Variants in TTC21B observed in about 807,000 individuals in gnomAD.
TTC21B encodes tetratricopeptide repeat domain 21B.
Under a neutral mutation model 175.1 loss-of-function variants are expected in TTC21B, and 127 were observed. That is an observed-to-expected ratio of 0.73 (90% confidence interval 0.63 to 0.84). The LOEUF is 0.84. Ranked by LOEUF, TTC21B falls within the 40% of genes least tolerant of loss-of-function variation. TTC21B has a pLI of 0.00. For missense variants in TTC21B, 1,561 were observed against 1,558.3 expected, an observed-to-expected ratio of 1.00 and a Z score of -0.03; for synonymous variants, 524 against 524.5, an observed-to-expected ratio of 1.00 and a Z score of 0.01.
At chr2:165,900,086 A>G (rs1468001110) in intron 20 of TTC21B, among the ~76,000 whole-genome samples, 1 of 151,186 alleles carries the variant, frequency 6.6e-6, no homozygotes, top group African/African-American at 2.4e-5. Flanking sequence ...ACAGAGAAAC[A>G]GGTAGTAACT....
intron 19 of TTC21B, among the ~76,000 whole-genome samples, chr2:165,904,459 G>A (rs189565863): frequency 3.9e-5 from 6 of 152,132 alleles, no homozygotes; most frequent in African/African-American, 1.4e-4. Flanking sequence ...GCACACACAC[G>A]TGCACACACA....
Position 165,899,814 on chromosome 2 carries a change from C to G in TTC21B, c.2824G>C (p.Ala942Pro), listed in dbSNP as rs749920942. The G allele has an allele frequency of 6.2e-7, 1 of 1,613,984 alleles. No homozygotes were observed. Among genetic ancestry groups the G allele is most frequent in the Non-Finnish European group, 8.5e-7 (1 of 1,179,902 alleles). Reference protein sequence around the residue: ...DDPDSCLRQCALLLQSDQDNE... With the variant: ...DDPDSCLRQCPLLLQSDQDNE... ...TCCTGGTCACTCTGAAGCAGTAGAG[C>G]ACACTGCCGCAGGCAGGAATCAGGG... Residue 942 changes from alanine (A) to proline (P), a missense_variant, in exon 21 of 29, where the codon GCT (alanine) becomes CCT (proline). Coordinates refer to ENST00000243344, the MANE Select transcript of TTC21B (RefSeq NM_024753.5).
chr2:165,873,513 G>A lies in TTC21B; in HGVS notation c.*1242C>T, dbSNP rs1684569860. On this transcript the variant is annotated 3_prime_UTR_variant, in exon 29 of 29. Transcript: ENST00000243344. ...TAGGTTAAATTTAGTGTAAGAGAGTGAAAGCTTCTATGCCAGGGTGCTGTT... is the reference window on the plus strand; with the variant it reads ...TAGGTTAAATTTAGTGTAAGAGAGTAAAAGCTTCTATGCCAGGGTGCTGTT... The A allele has an allele frequency of 6.6e-6, 1 of 152,164 alleles. No individual in the cohort carries two copies. The allele number at this position is 152,164 out of a possible 1,614,324, so 9.4% of individuals were successfully genotyped here.
At chr2:165,942,101 G>C (rs1344360087) in intron 5 of TTC21B, among the ~76,000 whole-genome samples, 1 of 152,130 alleles carries the variant, frequency 6.6e-6, no homozygotes, top group East Asian at 1.9e-4. Context: ...AATTTCTTCA[G>C]CAGTGCTATT....
intron 10 of TTC21B, 97 bp downstream of exon 10, chr2:165,929,553 A>G: frequency 3.2e-6 from 3 of 944,730 alleles, no homozygotes; most frequent in Non-Finnish European, 5.0e-6. Flanking sequence ...AGTGTACACT[A>G]GTGCTTTACA....
At chr2:165,892,413 A>T (rs2105293913) in intron 22 of TTC21B, among the ~76,000 whole-genome samples, 1 of 152,338 alleles carries the variant, frequency 6.6e-6, no homozygotes, top group East Asian at 1.9e-4. Flanking sequence ...GTACACCAAC[A>T]TTCATAGCAG....
intron 12 of TTC21B, among the ~76,000 whole-genome samples, chr2:165,923,046 G>A (rs1686475029): frequency 6.6e-6 from 1 of 152,114 alleles, no homozygotes; most frequent in South Asian, 2.1e-4. Flanking sequence ...TGAGTATAAA[G>A]GCAAACAGAG....
chr2:165,953,517 C>G (rs1426726081), intron 1 of TTC21B, among the ~76,000 whole-genome samples, 168 bp downstream of exon 1: 1 of 152,194 alleles, frequency 6.6e-6, no homozygotes, highest in African/African-American at 2.4e-5. Flanking sequence ...GGAGACCGGC[C>G]GTGAGCAGAG....
At chr2:165,903,739 T>G (rs1156316213) in intron 19 of TTC21B, among the ~76,000 whole-genome samples, 1 of 152,208 alleles carries the variant, frequency 6.6e-6, no homozygotes, top group Admixed American at 6.5e-5. Flanking sequence ...CCAAAAATGT[T>G]TAGCAACTTT....
At chr2:165,885,415 A>C (rs1173936064) in intron 25 of TTC21B, among the ~76,000 whole-genome samples, 1 of 152,152 alleles carries the variant, frequency 6.6e-6, no homozygotes, top group East Asian at 1.9e-4. Context: ...ATCTATCAAT[A>C]AGCTTCCAAG....
At chr2:165,920,814 A>ATATTTTGAAATATTTTAATTATTT (rs1559060477) in intron 12 of TTC21B, among the ~76,000 whole-genome samples, 1 of 151,908 alleles carries the variant, frequency 6.6e-6, no homozygotes, top group South Asian at 2.1e-4. Flanking sequence ...AATATTTAAA[A>ATATTTTGAAATATTTTAATTATTT]ATGAGAAGTG....
chr2:165,898,054 T>C (rs753821053), intron 22 of TTC21B, among the ~76,000 whole-genome samples: 13 of 152,122 alleles, frequency 8.5e-5, no homozygotes, highest in Admixed American at 1.3e-4. Flanking sequence ...GAAAATTTGT[T>C]GTCGAGAAGA....
Position 165,943,310 on chromosome 2 carries a change from G to A in TTC21B, c.461C>T (p.Thr154Ile). The stretch of plus-strand genomic sequence containing the variant: ...TTTAGTGTAAGGCTCTTTTCCTCTT[G>A]TAATATCAAGCCATGCTTTCAAAAC... ...GHVLKAWLDI[T>I]RGKEPYTKKA... Residue 154 changes from threonine to isoleucine, a missense_variant, in exon 5 of 29, where the codon ACA becomes ATA. Transcript: ENST00000243344. 7.5e-6 allele frequency: 12 copies of A among 1,610,202 alleles called. No homozygotes were observed. The highest frequency in any genetic ancestry group is 9.3e-6 in the Non-Finnish European group (11 of 1,176,764).
chr2:165,924,710 A>G, intron 11 of TTC21B, 32 bp from the exon 12 acceptor site: 1 of 1,597,568 alleles, frequency 6.3e-7, no homozygotes, highest in Middle Eastern at 1.7e-4. Context: ...ATCATTTTAT[A>G]AGTGTAAAAA....
chr2:165,914,585 G>A (rs1192169667), intron 15 of TTC21B, among the ~76,000 whole-genome samples: 1 of 149,328 alleles, frequency 6.7e-6, no homozygotes, highest in Non-Finnish European at 1.5e-5. Context: ...AGCTAAAAAC[G>A]TTAATTTTCT....
Position 165,898,747 on chromosome 2 carries a change from G to A in TTC21B, c.2889C>T (p.Phe963=). 6.2e-7 allele frequency: 1 copy of A among 1,612,686 alleles called. No individual in the cohort carries two copies. Among genetic ancestry groups the A allele is most frequent in the Non-Finnish European group, 8.5e-7 (1 of 1,178,778 alleles). The change falls in exon 22 of 29, where the codon TTC becomes TTT. Residue 963 remains phenylalanine (F), a synonymous_variant. Coordinates refer to ENST00000243344, the MANE Select transcript of TTC21B (RefSeq NM_024753.5). ...AATMMMADLM[F]RKQDYEQAVF... is the part of the protein sequence containing the mutation. ...CTGCTTGTTCATAGTCTTGTTTTCT[G>A]AACATGAGATCAGCCATCATCTATA...
chr2:165,929,404 C>T, intron 10 of TTC21B, 69 bp from the exon 11 acceptor site: 1 of 1,285,970 alleles, frequency 7.8e-7, no homozygotes, highest in South Asian at 1.3e-5. Context: ...ACTTAGATTT[C>T]AAATGCATAT....
intron 25 of TTC21B, among the ~76,000 whole-genome samples, chr2:165,885,611 G>A (rs1233430375): frequency 2.0e-5 from 3 of 152,174 alleles, no homozygotes; most frequent in East Asian, 3.9e-4. Flanking sequence ...GTATTTGTCA[G>A]CCAGGTCCTA....
chr2:165,951,999 A>C (rs1687775203), intron 1 of TTC21B, among the ~76,000 whole-genome samples: 1 of 152,170 alleles, frequency 6.6e-6, no homozygotes, highest in Non-Finnish European at 1.5e-5. Context: ...ACACACGTAC[A>C]CGCTCTTCCT....
Sources: allele counts gnomAD v4.1 joint callset (sites outside exome capture counted in the v4.1 genomes callset), GRCh38; gene constraint gnomAD v4.1.1; transcripts MANE v1.5; gene names NCBI Gene and HGNC (gene_info 2026-07-23, HGNC 2026-07-21).